Variants in EFR3A observed in about 807,000 individuals in gnomAD.
The protein encoded by EFR3A is EFR3 homolog A, also known as protein EFR3 homolog A.
A neutral mutation model predicts 104.4 loss-of-function variants in EFR3A; 76 were observed. The observed-to-expected ratio is 0.73, with a 90% CI of 0.60 to 0.88. The LOEUF is 0.88. EFR3A is among the 40% of genes least tolerant of loss of function. The pLI, the probability that EFR3A is intolerant of heterozygous loss-of-function variation, is 0.00. For missense variants in EFR3A, 985 were observed against 1,012.5 expected (o/e 0.97, Z 0.37); for synonymous variants, 330 against 330.0 (o/e 1.00, Z 0.00).
intron 5 of EFR3A, 98 bp from the exon 6 acceptor site, chr8:131,953,720 C>T: frequency 9.5e-7 from 1 of 1,055,164 alleles, no homozygotes; most frequent in South Asian, 2.3e-5. Context: ...GATAAGATAA[C>T]AGTATTTACT....
chr8:131,993,970 A>G (rs537631172), intron 18 of EFR3A, among the ~76,000 whole-genome samples: 1 of 152,292 alleles, frequency 6.6e-6, no homozygotes, highest in South Asian at 2.1e-4. Flanking sequence ...TCCAGAAAAC[A>G]ACTAATGGAT....
At chr8:131,905,818 G>A (rs1204276539) in intron 1 of EFR3A, among the ~76,000 whole-genome samples, 1 of 152,192 alleles carries the variant, frequency 6.6e-6, no homozygotes, top group African/African-American at 2.4e-5. Context: ...TGAAAGTTGA[G>A]GCTTCAAGTA....
intron 1 of EFR3A, among the ~76,000 whole-genome samples, chr8:131,930,347 C>A (rs1447725725): frequency 6.6e-6 from 1 of 151,750 alleles, no homozygotes; most frequent in Non-Finnish European, 1.5e-5. Context: ...AAGATAGGAA[C>A]AGATGAATAG....
At chr8:131,991,612 G>T (rs757217594) in intron 18 of EFR3A, among the ~76,000 whole-genome samples, 1 of 152,080 alleles carries the variant, frequency 6.6e-6, no homozygotes, top group Non-Finnish European at 1.5e-5. Flanking sequence ...TTTAAAAACA[G>T]CAACATAGGG....
At chr8:131,972,100 T>C (rs1311751016) in intron 10 of EFR3A, among the ~76,000 whole-genome samples, 2 of 152,286 alleles carry the variant, frequency 1.3e-5, no homozygotes, top group East Asian at 1.9e-4. Context: ...TTTCTATGTA[T>C]GTAGGAATGC....
At chr8:131,910,754 G>C (rs1816476572) in intron 1 of EFR3A, among the ~76,000 whole-genome samples, 1 of 152,158 alleles carries the variant, frequency 6.6e-6, no homozygotes. Context: ...TCATTACATG[G>C]CTCAACTCTG....
intron 2 of EFR3A, among the ~76,000 whole-genome samples, chr8:131,941,799 A>G (rs1318105476): frequency 6.6e-6 from 1 of 152,094 alleles, no homozygotes; most frequent in Non-Finnish European, 1.5e-5. Context: ...GAGGTAGACA[A>G]GATTAGTCTC....
intron 1 of EFR3A, among the ~76,000 whole-genome samples, chr8:131,916,552 TG>T (rs752252011): frequency 3.3e-5 from 5 of 152,162 alleles, no homozygotes; most frequent in Non-Finnish European, 7.4e-5. Context: ...GGAGTAATAG[TG>T]CATAAAATTA....
intron 1 of EFR3A, among the ~76,000 whole-genome samples, chr8:131,916,013 C>T (rs77718102): frequency 6.6e-6 from 1 of 152,158 alleles, no homozygotes; most frequent in Non-Finnish European, 1.5e-5. Flanking sequence ...GAAAGGTGCT[C>T]AGCACGTAGT....
intron 1 of EFR3A, among the ~76,000 whole-genome samples, chr8:131,923,417 T>C (rs2130455686): frequency 6.6e-6 from 1 of 152,224 alleles, no homozygotes; most frequent in East Asian, 1.9e-4. Flanking sequence ...AATAAAATGT[T>C]TTGTACTCAT....
intron 1 of EFR3A, chr8:131,938,441 C>G (rs1181414765): frequency 2.6e-6 from 1 of 383,514 alleles, no homozygotes; most frequent in Non-Finnish European, 4.6e-6. Context: ...CTTACATTGT[C>G]TTTGATATAA....
Position 131,904,214 on chromosome 8 carries a change from C to T in EFR3A, c.-99C>T, listed in dbSNP as rs904823624. On this transcript the variant is annotated 5_prime_UTR_variant, in exon 1 of 23. Transcript: ENST00000254624. Reference sequence around the variant, plus strand: ...TCGCCCTTCGCCCTTCGCCTCGTTCCGGCCTCCGCGGCCCAGCAACGGCCG... The same window carrying T: ...TCGCCCTTCGCCCTTCGCCTCGTTCTGGCCTCCGCGGCCCAGCAACGGCCG... 1.6e-6 allele frequency: 2 copies of T among 1,229,932 alleles called. No individual in the cohort carries two copies. The highest frequency in any genetic ancestry group is 1.6e-5 in the African/African-American group (1 of 63,852). 76.2% of individuals were successfully genotyped at this position (1,229,932 alleles called of 1,614,324 possible).
chr8:131,938,923 G>A (rs573658922), intron 1 of EFR3A, among the ~76,000 whole-genome samples: 1 of 152,156 alleles, frequency 6.6e-6, no homozygotes, highest in South Asian at 2.1e-4. Flanking sequence ...GTACAGTGCT[G>A]TACACGTCAT....
intron 1 of EFR3A, among the ~76,000 whole-genome samples, chr8:131,918,955 A>G (rs532424197): frequency 9.2e-5 from 14 of 152,358 alleles, no homozygotes; most frequent in African/African-American, 2.9e-4. Context: ...TAGCTAAGAA[A>G]GATCCTAGTC....
rs370968382 is a variant in EFR3A at position 131,996,394 on chromosome 8, A to C, written c.2066-12A>C. The C allele has an allele frequency of 3.3e-4, 509 of 1,534,080 alleles. 3 individuals are homozygous for C. In the African/African-American group the frequency reaches 6.4e-3, roughly 19 times the overall value. ...TCTAGCAAATAATGGGAAGAAAACA[A>C]TTTTATTTTAGATGAAGATCGACTT... On this transcript the variant is annotated splice_polypyrimidine_tract_variant and intron_variant, in intron 18 of 22. Transcript: ENST00000254624.
intron 2 of EFR3A, among the ~76,000 whole-genome samples, chr8:131,943,576 A>C (rs1818270209): frequency 6.6e-6 from 1 of 152,032 alleles, no homozygotes; most frequent in African/African-American, 2.4e-5. Flanking sequence ...CACTTTGCCT[A>C]GGGCAGGGTT....
chr8:131,993,995 G>A (rs1268632286), intron 18 of EFR3A, among the ~76,000 whole-genome samples: 1 of 152,092 alleles, frequency 6.6e-6, no homozygotes, highest in Non-Finnish European at 1.5e-5. Context: ...GACTTAATAT[G>A]TGGGTGATGA....
intron 1 of EFR3A, among the ~76,000 whole-genome samples, chr8:131,911,797 C>G (rs1816524147): frequency 1.3e-5 from 2 of 152,106 alleles, no homozygotes; most frequent in South Asian, 4.2e-4. Flanking sequence ...CTCAGCAAGG[C>G]CCATCTAGAT....
At position 131,970,613 on chromosome 8, in the gene EFR3A, A is replaced by G; in HGVS notation, c.1129A>G (p.Ile377Val). The change falls in exon 10 of 23, where the codon ATT becomes GTT. Residue 377 changes from isoleucine to valine, a missense_variant. Physicochemically the swap from Ile to Val is conservative, Grantham distance 29. Coordinates refer to ENST00000254624, the MANE Select transcript of EFR3A (RefSeq NM_015137.6). ...NTSSKDNDEKIVQNAIIQTIG... is the reference protein window; with the variant it reads ...NTSSKDNDEKVVQNAIIQTIG... ...AAGTTCCAAAGACAATGATGAGAAG[A>G]TTGTGCAGAATGCTATCATCCAAAC... The G allele has an allele frequency of 6.2e-7, 1 of 1,613,812 alleles. No individual in the cohort carries two copies. Among genetic ancestry groups the G allele is most frequent in the Non-Finnish European group, 8.5e-7 (1 of 1,179,792 alleles).
Sources: gnomAD v4.1 joint callset for allele counts (sites outside exome capture counted in the v4.1 genomes callset) on GRCh38, gnomAD v4.1.1 for gene constraint, MANE v1.5 for transcripts, NCBI Gene and HGNC (gene_info 2026-07-23, HGNC 2026-07-21) for gene names.